Variants in PCBD2 observed in about 807,000 individuals in gnomAD.
PCBD2 encodes pterin-4 alpha-carbinolamine dehydratase 2.
PCBD2 carries 12 observed loss-of-function variants against 16.4 expected under a neutral mutation model. The ratio of observed to expected loss-of-function variants is 0.73; its 90% CI spans 0.47 to 1.19. The LOEUF is 1.19. Ranked by LOEUF, PCBD2 falls within the 50% of genes most tolerant of loss-of-function variation. The pLI is 0.00. For missense variants in PCBD2, 138 were observed against 156.8 expected, an observed-to-expected ratio of 0.88 and a Z score of 0.64; for synonymous variants, 58 against 61.8, an observed-to-expected ratio of 0.94 and a Z score of 0.29.
intron 2 of PCBD2, among the ~76,000 whole-genome samples, chr5:134,930,226 A>G (rs1389884029): frequency 6.6e-6 from 1 of 152,228 alleles, no homozygotes; most frequent in African/African-American, 2.4e-5. Flanking sequence ...GCTTGAGGAC[A>G]GAGACTTGGA....
intron 2 of PCBD2, among the ~76,000 whole-genome samples, chr5:134,917,194 A>G (rs1750843710): frequency 6.6e-6 from 1 of 152,248 alleles, no homozygotes; most frequent in South Asian, 2.1e-4. Context: ...TTTTAAGTTT[A>G]AAAGTAGGTG....
At chr5:134,959,398 A>G (rs1751449318) in intron 3 of PCBD2, among the ~76,000 whole-genome samples, 1 of 152,228 alleles carries the variant, frequency 6.6e-6, no homozygotes, top group South Asian at 2.1e-4. Flanking sequence ...AGTATCAGCC[A>G]TGCAGATACG....
intron 2 of PCBD2, chr5:134,925,363 A>G (rs548158534): frequency 2.5e-6 from 1 of 398,318 alleles, no homozygotes; most frequent in African/African-American, 2.1e-5. Flanking sequence ...AGTAAGAGGT[A>G]TGGTTTTGAG....
chr5:134,915,437 T>A (rs922134299), intron 2 of PCBD2, among the ~76,000 whole-genome samples: 1 of 113,390 alleles, frequency 8.8e-6, no homozygotes, highest in African/African-American at 3.5e-5. Context: ...GGGCCTCTAA[T>A]TTTTTTTTTT....
chr5:134,927,500 G>A (rs1292507637), intron 2 of PCBD2: 1 of 397,896 alleles, frequency 2.5e-6, no homozygotes, highest in African/African-American at 2.1e-5. Flanking sequence ...CAGTAAGAGT[G>A]AGTAATAGAA....
chr5:134,919,519 A>ACCTTAGTGT (rs1211479102), intron 2 of PCBD2, among the ~76,000 whole-genome samples: 1 of 152,166 alleles, frequency 6.6e-6, no homozygotes, highest in Non-Finnish European at 1.5e-5. Flanking sequence ...TTAGTATAAA[A>ACCTTAGTGT]CCTTAGTGTA....
chr5:134,941,818 T>A (rs924790569), intron 2 of PCBD2, among the ~76,000 whole-genome samples: 3 of 152,058 alleles, frequency 2.0e-5, no homozygotes, highest in East Asian at 1.9e-4. Flanking sequence ...TAATTAAATT[T>A]AAAAAATAAG....
intron 2 of PCBD2, among the ~76,000 whole-genome samples, chr5:134,956,624 C>T (rs1309943332): frequency 6.6e-6 from 1 of 152,234 alleles, no homozygotes; most frequent in Non-Finnish European, 1.5e-5. Flanking sequence ...TTTCCCCAGT[C>T]AGTGTGCATC....
intron 2 of PCBD2, among the ~76,000 whole-genome samples, chr5:134,941,691 G>A (rs1194635965): frequency 6.6e-6 from 1 of 152,124 alleles, no homozygotes; most frequent in Non-Finnish European, 1.5e-5. Context: ...ATAGTATTTA[G>A]TGATTCAGGA....
rs757575383 is a variant in PCBD2, at chr5:134,910,408, C to T, written c.158C>T (p.Ser53Leu). The T allele has an allele frequency of 9.5e-5, 154 of 1,613,860 alleles. No homozygotes were observed. Among genetic ancestry groups the T allele is most frequent in the Middle Eastern group, 1.6e-4 (1 of 6,084 alleles). ...AILDLKAAGW[S>L]ELSERDAIYK... ...CTTGACCTTAAAGCAGCAGGATGGT[C>T]GGAATTAAGTGAGAGAGATGCCATC... The change falls in exon 2 of 4, where the codon TCG becomes TTG. Residue 53 changes from serine to leucine, a missense_variant. Ser to Leu is a moderately radical substitution (Grantham distance 145). Coordinates refer to ENST00000254908, the MANE Select transcript of PCBD2 (RefSeq NM_032151.5).
chr5:134,929,640 C>A (rs1751068466), intron 2 of PCBD2, among the ~76,000 whole-genome samples: 1 of 152,148 alleles, frequency 6.6e-6, no homozygotes, highest in Non-Finnish European at 1.5e-5. Flanking sequence ...ATTTAGAATT[C>A]ATTCCTAGAC....
At chr5:134,954,337 C>T (rs1425590264) in intron 2 of PCBD2, among the ~76,000 whole-genome samples, 1 of 152,162 alleles carries the variant, frequency 6.6e-6, no homozygotes, top group Admixed American at 6.6e-5. Context: ...ATTTTGTTTA[C>T]TTTTATATAC....
At chr5:134,907,434 G>A (rs1750709266) in intron 1 of PCBD2, among the ~76,000 whole-genome samples, 1 of 151,844 alleles carries the variant, frequency 6.6e-6, no homozygotes, top group African/African-American at 2.4e-5. Flanking sequence ...AGTAGAGACG[G>A]GTTTCACCAT....
chr5:134,955,198 AT>A (rs199800106), intron 2 of PCBD2, among the ~76,000 whole-genome samples: 18 of 145,794 alleles, frequency 1.2e-4, no homozygotes, highest in East Asian at 2.0e-4. Context: ...TGGAAAACTT[AT>A]TTTTTTTTTA....
At chr5:134,940,438 T>A (rs1161619656) in intron 2 of PCBD2, among the ~76,000 whole-genome samples, 55 of 152,168 alleles carry the variant, frequency 3.6e-4, no homozygotes, top group African/African-American at 1.3e-3. Flanking sequence ...TATATATTTT[T>A]TTTTTTAATA....
At chr5:134,905,363 C>G in intron 1 of PCBD2, 140 bp downstream of exon 1, 2 of 677,144 alleles carry the variant, frequency 3.0e-6, no homozygotes, top group Non-Finnish European at 4.1e-6. Context: ...CGGGTCACCG[C>G]GTCCCGGGAC....
At chr5:134,916,267 G>A (rs769839636) in intron 2 of PCBD2, among the ~76,000 whole-genome samples, 1 of 152,142 alleles carries the variant, frequency 6.6e-6, no homozygotes, top group Non-Finnish European at 1.5e-5. Flanking sequence ...TCCAGGCTGA[G>A]CGAAAGTGTG....
chr5:134,959,091 C>G lies in PCBD2; in HGVS notation c.268C>G (p.His90Asp). Reference sequence around the variant, plus strand: ...CCTACAAGCAGAGAAGATGAATCATCACCCAGAATGGTTCAATGTATACAA... The same window carrying G: ...CCTACAAGCAGAGAAGATGAATCATGACCCAGAATGGTTCAATGTATACAA... The part of the protein sequence containing the change: ...VALQAEKMNH[H>D]PEWFNVYNKV... Residue 90 changes from histidine (H) to aspartate (D), a missense_variant, in exon 3 of 4, where the codon CAC becomes GAC. By Grantham distance (81) the His-to-Asp change is moderately conservative (BLOSUM62 -1). Coordinates refer to ENST00000254908, the MANE Select transcript of PCBD2 (RefSeq NM_032151.5). 1 of 1,613,958 alleles carries G rather than the reference C, an allele frequency of 6.2e-7. No homozygotes were observed. The highest frequency in any genetic ancestry group is 8.5e-7 in the Non-Finnish European group (1 of 1,179,818).
intron 2 of PCBD2, among the ~76,000 whole-genome samples, chr5:134,913,089 TA>T (rs1490985299): frequency 6.6e-6 from 1 of 152,186 alleles, no homozygotes; most frequent in African/African-American, 2.4e-5. Context: ...TGGTTACATT[TA>T]AAAAAATTTT....
Sources: gnomAD v4.1 joint callset for allele counts (sites outside exome capture counted in the v4.1 genomes callset) on GRCh38, gnomAD v4.1.1 for gene constraint, MANE v1.5 for transcripts, NCBI Gene and HGNC (gene_info 2026-07-23, HGNC 2026-07-21) for gene names.